FBXO34: variants seen among roughly 807,000 people sequenced by gnomAD.
FBXO34 encodes the protein F-box protein 34.
FBXO34 carries 12 observed loss-of-function variants against 24.5 expected under a neutral mutation model. The ratio of observed to expected loss-of-function variants is 0.49; its 90% CI spans 0.31 to 0.79. FBXO34 has a LOEUF of 0.79. Ranked by LOEUF, FBXO34 falls within the 30% of genes least tolerant of loss-of-function variation. The pLI, the probability that FBXO34 is intolerant of heterozygous loss-of-function variation, is 0.04. For missense variants in FBXO34, 823 were observed against 857.7 expected (o/e 0.96, Z 0.51); for synonymous variants, 320 against 311.9 (o/e 1.03, Z -0.27).
At chr14:55,439,819 T>A in the FBXO34 span, among the ~76,000 whole-genome samples, 1 of 150,648 alleles carries the variant, frequency 6.6e-6, no homozygotes, top group Non-Finnish European at 1.5e-5. Context: ...TAGTCCCAGC[T>A]ACTCGGGAGG....
chr14:55,379,700 G>T, the FBXO34 span, among the ~76,000 whole-genome samples: 1 of 152,180 alleles, frequency 6.6e-6, no homozygotes, highest in African/African-American at 2.4e-5. Flanking sequence ...AAACTGGGTA[G>T]GCTGTATATC....
At chr14:55,414,400 T>G in the FBXO34 span, 5 of 1,606,350 alleles carry the variant, frequency 3.1e-6, no homozygotes, top group Non-Finnish European at 4.2e-6. Context: ...TAAAACCTTT[T>G]AGAATAGGAT....
At chr14:55,381,698 C>A in the FBXO34 span, among the ~76,000 whole-genome samples, 4 of 152,134 alleles carry the variant, frequency 2.6e-5, no homozygotes, top group African/African-American at 9.7e-5. Context: ...CCAGAACAGG[C>A]AAATCTATAG....
At chr14:55,393,204 A>AC in the FBXO34 span, among the ~76,000 whole-genome samples, 1 of 145,604 alleles carries the variant, frequency 6.9e-6, no homozygotes, top group Admixed American at 6.9e-5. Flanking sequence ...ACACGGTGAA[A>AC]CCCCGTCTCT....
chr14:55,298,975 T>C, intron 1 of FBXO34: 4 of 1,603,222 alleles, frequency 2.5e-6, no homozygotes, highest in Non-Finnish European at 3.4e-6. Context: ...CACGACAACA[T>C]GGACATCGAT....
rs78411059 is a variant in FBXO34, at chr14:55,307,856, A to G, written c.-11+36319A>G. Among the ~76,000 whole-genome samples, 340 of 152,316 alleles carry G rather than the reference A, an allele frequency of 2.2e-3. 6 individuals are homozygous for G. The East Asian group carries it at 0.047, about 21-fold the overall frequency. On this transcript the variant is annotated intron_variant, in intron 1 of 1. Coordinates refer to ENST00000313833, the MANE Select transcript of FBXO34 (RefSeq NM_017943.4). ...TGCTCTCATATGACTGTTAGCATTT[A>G]TTCCCATTTTACTGATTCAGAAATG...
the FBXO34 span, chr14:55,429,085 T>C: frequency 2.3e-6 from 3 of 1,325,266 alleles, no homozygotes; most frequent in South Asian, 2.8e-5. Context: ...CAATGTATAC[T>C]ATGAAGCTGT....
At chr14:55,303,015 A>G (rs1479567329) in intron 1 of FBXO34, among the ~76,000 whole-genome samples, 1 of 152,210 alleles carries the variant, frequency 6.6e-6, no homozygotes, top group Non-Finnish European at 1.5e-5. Context: ...TCTTGGCAGC[A>G]GTGTTTTGCC....
At chr14:55,383,048 A>G in the FBXO34 span, among the ~76,000 whole-genome samples, 2 of 152,220 alleles carry the variant, frequency 1.3e-5, no homozygotes, top group African/African-American at 2.4e-5. Context: ...AAGTAAAAAT[A>G]GCATCCCACA....
downstream of FBXO34, among the ~76,000 whole-genome samples, chr14:55,363,189 AT>A (rs577527169): frequency 0.013 from 1,745 of 137,352 alleles, 5 homozygotes; most frequent in Admixed American, 0.014. Context: ...CGCCTGGCTA[AT>A]TTTTTTTTTT....
At chr14:55,397,529 C>G in the FBXO34 span, 3 of 985,562 alleles carry the variant, frequency 3.0e-6, no homozygotes, top group Non-Finnish European at 4.7e-6. Flanking sequence ...TCTGCAGAGT[C>G]ATGTGAAAAT....
At chr14:55,439,278 T>TAAA in the FBXO34 span, among the ~76,000 whole-genome samples, 7,533 of 133,768 alleles carry the variant, frequency 0.056, 257 homozygotes, top group Non-Finnish European at 0.08. Context: ...TAATTAACTT[T>TAAA]AAAAAAAAAA....
intron 1 of FBXO34, among the ~76,000 whole-genome samples, chr14:55,350,094 A>C (rs1481049788): frequency 6.6e-6 from 1 of 151,858 alleles, no homozygotes; most frequent in Non-Finnish European, 1.5e-5. Flanking sequence ...TAAAAGGTTA[A>C]AGTTTACCAA....
At chr14:55,317,013 G>A (rs564528729) in intron 1 of FBXO34, among the ~76,000 whole-genome samples, 2 of 152,282 alleles carry the variant, frequency 1.3e-5, no homozygotes, top group Admixed American at 6.5e-5. Flanking sequence ...GGATGATCTG[G>A]CTGGCAAATT....
At chr14:55,272,490 A>G (rs913538502) in intron 1 of FBXO34, among the ~76,000 whole-genome samples, 1 of 151,956 alleles carries the variant, frequency 6.6e-6, no homozygotes, top group Non-Finnish European at 1.5e-5. Flanking sequence ...ACTGAAAAAA[A>G]AGAGAACCAC....
chr14:55,350,906 C>G lies in FBXO34; in HGVS notation c.516C>G (p.Ser172Arg), dbSNP rs368021069. 3 of 1,613,706 alleles carry G rather than the reference C, an allele frequency of 1.9e-6. No homozygotes were observed. Among genetic ancestry groups the G allele is most frequent in the Admixed American group, 3.3e-5 (2 of 59,984 alleles). Residue 172 changes from serine (S) to arginine (R), a missense_variant, in exon 2 of 2, where the codon AGC (serine) becomes AGG (arginine). Ser to Arg is a moderately radical substitution (Grantham distance 110). This residue lies in a region of FBXO34 where 693 missense variants were observed against 659.1 expected (regional missense o/e 1.05). Coordinates refer to ENST00000313833, the MANE Select transcript of FBXO34 (RefSeq NM_017943.4). ...TGGAAAGGATGAGGGAGGTTAACAG[C>G]AGGTGCTACCAACCTGAGCCTTTTG... ...VQVERMREVN[S>R]RCYQPEPFAC...
chr14:55,360,671 A>C (rs999514942), intron 3 of FBXO34, among the ~76,000 whole-genome samples: 1 of 152,086 alleles, frequency 6.6e-6, no homozygotes, highest in Non-Finnish European at 1.5e-5. Context: ...TGAAGGTGAA[A>C]GTAGAAAGGA....
chr14:55,402,968 T>TAA, the FBXO34 span, among the ~76,000 whole-genome samples: 106 of 60,970 alleles, frequency 1.7e-3, 1 homozygote, highest in East Asian at 0.017. Context: ...TATATATATA[T>TAA]AAATAGCTGG....
intron 1 of FBXO34, among the ~76,000 whole-genome samples, chr14:55,284,145 A>G (rs776384766): frequency 2.0e-5 from 3 of 152,086 alleles, no homozygotes; most frequent in South Asian, 2.1e-4. Flanking sequence ...ACTTACAAGC[A>G]TGCACCACCA....
Sources: allele counts gnomAD v4.1 joint callset (sites outside exome capture counted in the v4.1 genomes callset), GRCh38; gene constraint gnomAD v4.1.1; regional missense constraint gnomAD v4.1.1; transcripts MANE v1.5; gene names NCBI Gene and HGNC (gene_info 2026-07-23, HGNC 2026-07-21).